The following COL4A1 variants were observed in gnomAD, a reference collection of about 807,000 sequenced individuals.
COL4A1 encodes collagen alpha-1(IV) chain.
In COL4A1, 40 loss-of-function variants were observed where a neutral mutation model predicts 216.6. The ratio of observed to expected loss-of-function variants is 0.18; its 90% CI spans 0.14 to 0.24. COL4A1 has a LOEUF of 0.24. COL4A1 is among the 10% of genes least tolerant of loss of function. COL4A1 has a pLI of 1.00. For missense variants in COL4A1, 1,628 were observed against 2,196.8 expected (o/e 0.74, Z 5.18); for synonymous variants, 839 against 810.7 (o/e 1.03, Z -0.59).
At chr13:110,192,111 C>T in intron 24 of COL4A1, 103 bp downstream of exon 24, 1 of 1,225,038 alleles carries the variant, frequency 8.2e-7, no homozygotes, top group East Asian at 2.3e-5. Context: ...CCAGCTCCCA[C>T]ACAAGGCAGA....
chr13:110,305,638 T>C (rs1401067807), intron 1 of COL4A1, among the ~76,000 whole-genome samples: 1 of 152,248 alleles, frequency 6.6e-6, no homozygotes, highest in Non-Finnish European at 1.5e-5. Context: ...CCAAAGAGTG[T>C]TTAAATAACT....
At chr13:110,195,685 A>G (rs1195336229) in intron 21 of COL4A1, among the ~76,000 whole-genome samples, 1 of 152,182 alleles carries the variant, frequency 6.6e-6, no homozygotes, top group Non-Finnish European at 1.5e-5. Context: ...TGTACACACC[A>G]TCTGTCCTAG....
In COL4A1 at chr13:110,162,242, C is replaced by G; in HGVS notation, c.4450G>C (p.Gly1484Arg). 8.1e-6 allele frequency: 13 copies of G among 1,614,186 alleles called. No individual in the cohort carries two copies. The highest frequency in any genetic ancestry group is 1.1e-5 in the Non-Finnish European group (13 of 1,180,026). Residue 1484 changes from glycine to arginine, a missense_variant, in exon 48 of 52, where the codon GGC becomes CGC. Around this residue, in one of 8 missense-constraint regions of COL4A1, gnomAD observed 254 missense variants for 300.1 expected, o/e 0.85. Coordinates refer to ENST00000375820, the MANE Select transcript of COL4A1 (RefSeq NM_001845.6). ...LYVQGNERAH[G>R]QDLGTAGSCL... ...GCAGGCTTCTTACCCAAGTCCTGGC[C>G]ATGGGCCCGTTCATTGCCTTGCACG...
intron 43 of COL4A1, 26 bp downstream of exon 43, chr13:110,169,603 T>TA: frequency 1.2e-6 from 2 of 1,612,240 alleles, no homozygotes; most frequent in Non-Finnish European, 1.7e-6. Context: ...CCTTTAAAAA[T>TA]AAAAATCTAC....
At chr13:110,253,819 A>G (rs1303414242) in intron 1 of COL4A1, among the ~76,000 whole-genome samples, 3 of 95,444 alleles carry the variant, frequency 3.1e-5, no homozygotes, top group Admixed American at 1.1e-4. Flanking sequence ...AATTATACGT[A>G]TGTATGTATT....
chr13:110,174,345 C>A, intron 39 of COL4A1, 101 bp downstream of exon 39: 1 of 1,292,158 alleles, frequency 7.7e-7, no homozygotes, highest in Non-Finnish European at 1.1e-6. Flanking sequence ...GGACAGCTGG[C>A]CTCCCTGCTC....
chr13:110,181,416 A>G, intron 28 of COL4A1, 27 bp from the exon 29 acceptor site: 2 of 1,536,576 alleles, frequency 1.3e-6, no homozygotes, highest in Non-Finnish European at 1.8e-6. Context: ...AAAAAAAAAA[A>G]CAAACAAACA....
chr13:110,291,977 G>T (rs1050292707), intron 1 of COL4A1, among the ~76,000 whole-genome samples: 6 of 152,270 alleles, frequency 3.9e-5, no homozygotes, highest in Admixed American at 2.6e-4. Context: ...CTGAGAAGAT[G>T]GGGTCTGCAC....
Position 110,201,435 on chromosome 13 carries a change from T to C in COL4A1, c.1084+3A>G, listed in dbSNP as rs1566370133. The C allele has an allele frequency of 1.9e-6, 3 of 1,612,460 alleles. No homozygotes were observed. The highest frequency in any genetic ancestry group is 2.5e-6 in the Non-Finnish European group (3 of 1,179,544). The stretch of plus-strand genomic sequence containing the variant: ...GGAGGGGGGAAAAAGGCAAGAAAGC[T>C]ACCTTTTGGGCCTGGCTCTCCTCTT... On this transcript the variant is annotated splice_donor_region_variant and intron_variant, in intron 19 of 51. Coordinates refer to ENST00000375820, the MANE Select transcript of COL4A1 (RefSeq NM_001845.6).
At chr13:110,201,722 G>A (rs757248701) in intron 18 of COL4A1, 200 bp from the exon 19 acceptor site, 95 of 719,596 alleles carry the variant, frequency 1.3e-4, no homozygotes, top group Admixed American at 8.5e-4. Flanking sequence ...GGTGGCTCAC[G>A]CCTGTAATCC....
intron 1 of COL4A1, among the ~76,000 whole-genome samples, chr13:110,304,767 T>A (rs1356499799): frequency 6.6e-6 from 1 of 152,060 alleles, no homozygotes; most frequent in East Asian, 1.9e-4. Context: ...GAAAAAACAA[T>A]AAGGGCAATT....
intron 4 of COL4A1, among the ~76,000 whole-genome samples, chr13:110,212,985 G>C (rs1879888066): frequency 6.6e-6 from 1 of 152,198 alleles, no homozygotes; most frequent in African/African-American, 2.4e-5. Flanking sequence ...AATGGAGCTA[G>C]AGGCCATTAT....
At chr13:110,192,162 G>A (rs891807312) in intron 24 of COL4A1, 52 bp downstream of exon 24, 13 of 1,572,254 alleles carry the variant, frequency 8.3e-6, no homozygotes, top group South Asian at 1.1e-5. Flanking sequence ...CTCTGTCCAC[G>A]TGCTTGGTGG....
At chr13:110,228,853 G>T (rs186906180) in intron 2 of COL4A1, among the ~76,000 whole-genome samples, 201 of 152,322 alleles carry the variant, frequency 1.3e-3, no homozygotes, top group Non-Finnish European at 2.2e-3. Flanking sequence ...ATGATTTTAG[G>T]AATAAAATAT....
intron 1 of COL4A1, among the ~76,000 whole-genome samples, chr13:110,245,746 C>T (rs940177904): frequency 3.9e-5 from 6 of 152,200 alleles, no homozygotes; most frequent in African/African-American, 1.2e-4. Flanking sequence ...GGCTGCAAGG[C>T]TGTGACTGTG....
At chr13:110,235,453 T>C (rs9521659) in intron 2 of COL4A1, among the ~76,000 whole-genome samples, 7 of 151,896 alleles carry the variant, frequency 4.6e-5, no homozygotes, top group Non-Finnish European at 8.8e-5. Context: ...GATCGAGACC[T>C]TCCTGGCTAA....
chr13:110,209,370 A>C (rs1426929278), intron 11 of COL4A1, 22 bp downstream of exon 11: 1 of 1,610,400 alleles, frequency 6.2e-7, no homozygotes, highest in African/African-American at 1.3e-5. Flanking sequence ...GCCAAAGAAC[A>C]AAAAATGAAA....
In COL4A1 at chr13:110,176,289, G is replaced by A. The variant is rs1594550117; in HGVS notation, c.3058+135C>T. 10 of 723,208 alleles carry A rather than the reference G, an allele frequency of 1.4e-5. No homozygotes were observed. The East Asian group carries it at 2.7e-4, about 19-fold the overall frequency. 44.8% of individuals were successfully genotyped at this position (723,208 alleles called of 1,614,324 possible). ...TGAGCAGGAGACCATTCAGAGCTGG[G>A]GATGTGAATTCATGTGAAAGACACA... is the stretch of plus-strand genomic sequence containing the variant. On this transcript the variant is annotated intron_variant, in intron 36 of 51. Transcript: ENST00000375820.
At chr13:110,190,890 T>C (rs1878597093) in intron 24 of COL4A1, 1 of 152,222 alleles carries the variant, frequency 6.6e-6, no homozygotes, top group Admixed American at 6.5e-5. Context: ...TATTCCTTCT[T>C]TCTCACCTCT....
Sources: gnomAD v4.1 joint callset for allele counts (sites outside exome capture counted in the v4.1 genomes callset) on GRCh38, gnomAD v4.1.1 for gene constraint, gnomAD v4.1.1 regional missense constraint, MANE v1.5 for transcripts, NCBI Gene and HGNC (gene_info 2026-07-23, HGNC 2026-07-21) for gene names.